Variants in JADE3 observed in about 807,000 individuals in gnomAD.
The protein encoded by JADE3 is jade family PHD finger 3, also known as protein Jade-3.
In JADE3, 2 loss-of-function variants were observed where a neutral mutation model predicts 50.1. That is an observed-to-expected ratio of 0.04 (90% confidence interval 0.02 to 0.13). JADE3 has a LOEUF of 0.13. Among genes scored for constraint, JADE3 ranks in the 10% least tolerant of loss-of-function variants. JADE3 has a pLI of 1.00. For missense variants in JADE3, 475 were observed against 634.4 expected (o/e 0.75, Z 2.70); for synonymous variants, 218 against 232.9 (o/e 0.94, Z 0.58).
chrX:46,963,232 T>C (rs1444970546), intron 1 of JADE3, among the ~76,000 whole-genome samples: 1 of 111,924 alleles, frequency 8.9e-6, no homozygotes, highest in African/African-American at 3.3e-5. Flanking sequence ...TCAGACAGGA[T>C]TAGAAACTTC....
chrX:46,986,101 G>A (rs1927856890), intron 3 of JADE3, among the ~76,000 whole-genome samples: 1 of 111,479 alleles, frequency 9.0e-6, no homozygotes, highest in Non-Finnish European at 1.9e-5. Context: ...TCCACCATGA[G>A]TAGAAGCAGC....
intron 4 of JADE3, among the ~76,000 whole-genome samples, chrX:46,998,952 C>T (rs1556358173): frequency 9.0e-6 from 1 of 111,083 alleles, no homozygotes; most frequent in Non-Finnish European, 1.9e-5. Context: ...CCACCTTGGC[C>T]TCCCAAAGTG....
At chrX:46,986,636 A>G (rs782443076) in intron 3 of JADE3, among the ~76,000 whole-genome samples, 46 of 111,998 alleles carry the variant, frequency 4.1e-4, no homozygotes, top group Non-Finnish European at 8.1e-4. Context: ...GATGGACTAC[A>G]TTAAAGATCA....
intron 8 of JADE3, among the ~76,000 whole-genome samples, chrX:47,045,086 A>G (rs1453411915): frequency 8.9e-6 from 1 of 111,949 alleles, no homozygotes; most frequent in Non-Finnish European, 1.9e-5. Flanking sequence ...CTTACTTATC[A>G]ATAACATTGA....
At chrX:46,989,315 G>A (rs1927930446) in intron 3 of JADE3, among the ~76,000 whole-genome samples, 1 of 111,891 alleles carries the variant, frequency 8.9e-6, no homozygotes, top group Non-Finnish European at 1.9e-5. Flanking sequence ...TATTTCTGAT[G>A]TTCCCATTTT....
At chrX:47,049,144 A>G (rs898588051) in intron 8 of JADE3, among the ~76,000 whole-genome samples, 4 of 110,423 alleles carry the variant, frequency 3.6e-5, no homozygotes, top group Non-Finnish European at 5.7e-5. Context: ...GAAGAAAACA[A>G]ATAGGTATCT....
chrX:47,056,950 G>A (rs1556373507), intron 10 of JADE3, among the ~76,000 whole-genome samples: 1 of 112,113 alleles, frequency 8.9e-6, no homozygotes, highest in African/African-American at 3.2e-5. Context: ...TGGAGCATGA[G>A]AGAGACTCAG....
intron 1 of JADE3, chrX:46,913,011 C>T (rs1426286992): frequency 6.2e-5 from 7 of 112,266 alleles, no homozygotes; most frequent in Non-Finnish European, 9.4e-5. Context: ...GACGCGCGAG[C>T]TCGGCTGCAG....
intron 1 of JADE3, among the ~76,000 whole-genome samples, chrX:46,936,081 C>T (rs1298699540): frequency 1.9e-5 from 2 of 104,938 alleles, no homozygotes; most frequent in African/African-American, 3.5e-5. Context: ...TGCAGTGGCA[C>T]GATCTTGGCT....
chrX:46,918,879 A>T (rs1926162391), intron 1 of JADE3, among the ~76,000 whole-genome samples: 1 of 112,638 alleles, frequency 8.9e-6, no homozygotes, highest in South Asian at 3.6e-4. Flanking sequence ...CCCATAAGCT[A>T]AAGCATGGAA....
Position 47,058,374 on chromosome X carries a change from C to T in JADE3, c.1769C>T (p.Thr590Ile), listed in dbSNP as rs782149552. The T allele has an allele frequency of 5.8e-6, 7 of 1,210,740 alleles. No individual in the cohort carries two copies. The South Asian group carries it at 1.1e-4, about 18-fold the overall frequency. Residue 590 changes from threonine (T) to isoleucine (I), a missense_variant, in exon 11 of 11, where the codon ACA (threonine) becomes ATA (isoleucine). Thr to Ile is a moderately conservative substitution (Grantham distance 89). Transcript: ENST00000614628. ...QVPQESLEMR[T>I]KSYPRYPLES... ...CCTCAGGAGTCACTAGAAATGAGAA[C>T]AAAATCGTATCCGAGATACCCACTA...
chrX:46,935,584 A>T (rs1341020123), intron 1 of JADE3, among the ~76,000 whole-genome samples: 1 of 109,999 alleles, frequency 9.1e-6, no homozygotes, highest in Non-Finnish European at 1.9e-5. Flanking sequence ...GTGAACCGCT[A>T]ATGTGAGGGA....
chrX:47,030,069 C>CTA (rs200516216), intron 6 of JADE3, among the ~76,000 whole-genome samples: 2,261 of 107,090 alleles, frequency 0.021, 47 homozygotes, highest in African/African-American at 0.058. Flanking sequence ...AGGTCATATA[C>CTA]TATATATATA....
At chrX:47,033,541 CTG>C (rs1271392729) in intron 6 of JADE3, 78 bp from the exon 7 acceptor site, 14 of 797,409 alleles carry the variant, frequency 1.8e-5, no homozygotes, top group Middle Eastern at 6.1e-4. Flanking sequence ...AGAGGATACT[CTG>C]TGACTGTGTA....
chrX:46,932,860 C>A (rs1926526524), intron 1 of JADE3, among the ~76,000 whole-genome samples: 1 of 111,744 alleles, frequency 8.9e-6, no homozygotes. Context: ...TGTCTATAAG[C>A]TGAGAGGATG....
chrX:47,020,830 C>T (rs1427087484), intron 4 of JADE3, among the ~76,000 whole-genome samples: 1 of 111,838 alleles, frequency 8.9e-6, no homozygotes, highest in Non-Finnish European at 1.9e-5. Context: ...GGAAATAAAA[C>T]ATGGCTGGGC....
intron 1 of JADE3, among the ~76,000 whole-genome samples, chrX:46,961,673 T>G (rs1927262106): frequency 9.0e-6 from 1 of 111,478 alleles, no homozygotes; most frequent in Non-Finnish European, 1.9e-5. Context: ...TAAAATACAC[T>G]GGACGAAAGA....
chrX:46,949,335 G>A (rs373874706), intron 1 of JADE3, among the ~76,000 whole-genome samples: 52 of 111,796 alleles, frequency 4.7e-4, no homozygotes, highest in Non-Finnish European at 8.5e-4. Context: ...ATGTCTTCAG[G>A]AACATTTGTG....
At chrX:46,931,441 G>A (rs1183604211) in intron 1 of JADE3, among the ~76,000 whole-genome samples, 1 of 109,271 alleles carries the variant, frequency 9.2e-6, no homozygotes, top group Non-Finnish European at 1.9e-5. Flanking sequence ...TTTTATTTGA[G>A]ACAGAGTCTT....
Sources: allele counts gnomAD v4.1 joint callset (sites outside exome capture counted in the v4.1 genomes callset), GRCh38; gene constraint gnomAD v4.1.1; transcripts MANE v1.5; gene names NCBI Gene and HGNC (gene_info 2026-07-23, HGNC 2026-07-21).